Variants in FOXP2 observed in about 807,000 individuals in gnomAD.
FOXP2 encodes the protein forkhead box P2.
FOXP2 carries 12 observed loss-of-function variants against 115.8 expected under a neutral mutation model. The ratio of observed to expected loss-of-function variants is 0.10; its 90% CI spans 0.07 to 0.17. The LOEUF (loss-of-function observed/expected upper bound fraction) is 0.17, where lower values mean the gene tolerates loss of function less well. Ranked by LOEUF, FOXP2 falls within the 10% of genes least tolerant of loss-of-function variation. The pLI, the probability that FOXP2 is intolerant of heterozygous loss-of-function variation, is 1.00. For synonymous variants in FOXP2, 328 were observed against 297.7 expected (o/e 1.10, Z -1.05); for missense variants, 629 against 843.5 (o/e 0.75, Z 3.15).
rs550057133 is a variant in FOXP2 at position 114,265,303 on chromosome 7, G to A, written c.-101-22716G>A. On this transcript the variant is annotated intron_variant, in intron 1 of 17. Coordinates refer to the FOXP2 transcript ENST00000634411. Reference sequence around the variant, plus strand: ...AAAGGGAGAAATCAGCCAAAAGAAAGGGGCTACAGGTCTCAGGTGAGTTTG... The same window carrying A: ...AAAGGGAGAAATCAGCCAAAAGAAAAGGGCTACAGGTCTCAGGTGAGTTTG... Among the ~76,000 whole-genome samples the A allele has an allele frequency of 2.6e-5, 4 of 152,284 alleles. No homozygotes were observed. In the South Asian group the frequency reaches 8.3e-4, roughly 32 times the overall value.
chr7:114,396,740 C>A (rs1424252209), intron 2 of FOXP2, among the ~76,000 whole-genome samples: 2 of 151,620 alleles, frequency 1.3e-5, no homozygotes, highest in Non-Finnish European at 2.9e-5. Context: ...AGACAGCAGG[C>A]ATAAGTTTGA....
In FOXP2 at chr7:114,134,692, G is replaced by C. The variant is rs527521867; in HGVS notation, c.-246-28252G>C. ...CCCGCCACTGCACTCCAGCCTGGGCGACAGAGCGAGACTCCGTCTCAAAAA... is the reference window on the plus strand; with the variant it reads ...CCCGCCACTGCACTCCAGCCTGGGCCACAGAGCGAGACTCCGTCTCAAAAA... On this transcript the variant is annotated intron_variant, in intron 1 of 19. Transcript: ENST00000635638. 3.0e-5 allele frequency among the ~76,000 whole-genome samples: 4 copies of C among 135,058 alleles called. No individual in the cohort carries two copies. In the East Asian group the frequency reaches 8.7e-4, roughly 29 times the overall value. 88.6% of individuals were successfully genotyped at this position (135,058 alleles called of 152,430 possible). A position where few individuals can be genotyped will look rare whatever the true frequency, so the allele number is the denominator to read the frequency against.
chr7:114,169,338 A>C (rs963853403), intron 1 of FOXP2, among the ~76,000 whole-genome samples: 9 of 152,224 alleles, frequency 5.9e-5, no homozygotes, highest in Admixed American at 5.2e-4. Context: ...ATGGGAACCC[A>C]CCTCTTGCAT....
intron 1 of FOXP2, among the ~76,000 whole-genome samples, chr7:114,271,769 ATAT>A (rs1047342457): frequency 1.4e-4 from 17 of 118,372 alleles, no homozygotes; most frequent in African/African-American, 5.5e-4. Flanking sequence ...ATTATTTAAT[ATAT>A]TATTTATATA....
intron 3 of FOXP2, among the ~76,000 whole-genome samples, chr7:114,567,334 C>T (rs917104280): frequency 3.9e-5 from 6 of 151,966 alleles, no homozygotes; most frequent in South Asian, 2.1e-4. Flanking sequence ...ACTTATTATC[C>T]TCTGTCTAGA....
At chr7:114,642,814 T>TATATA (rs1563054674) in intron 7 of FOXP2, among the ~76,000 whole-genome samples, 191 bp downstream of exon 7, 4 of 107,096 alleles carry the variant, frequency 3.7e-5, no homozygotes, top group Admixed American at 1.9e-4. Flanking sequence ...ATATATATAT[T>TATATA]TTTTTTTTTT....
chr7:114,601,767 A>G (rs1803039353), intron 3 of FOXP2, among the ~76,000 whole-genome samples: 1 of 152,094 alleles, frequency 6.6e-6, no homozygotes, highest in Non-Finnish European at 1.5e-5. Context: ...TTTTATTTCA[A>G]ATATTTTAAG....
intron 1 of FOXP2, among the ~76,000 whole-genome samples, chr7:114,141,876 A>T (rs2396708): frequency 0.14 from 21,342 of 152,192 alleles, 1,983 homozygotes; most frequent in East Asian, 0.39. Flanking sequence ...TAAAATTTGC[A>T]AAGAAGGAAA....
intron 3 of FOXP2, among the ~76,000 whole-genome samples, chr7:114,593,509 CA>C (rs1323821039): frequency 5.3e-5 from 8 of 151,920 alleles, no homozygotes; most frequent in Non-Finnish European, 1.2e-4. Flanking sequence ...CTTATATGAT[CA>C]ATGATAAAAA....
chr7:114,513,072 G>A (rs561273083), intron 2 of FOXP2, among the ~76,000 whole-genome samples: 44 of 152,220 alleles, frequency 2.9e-4, no homozygotes, highest in Middle Eastern at 3.4e-3. Flanking sequence ...GACAGACCAA[G>A]ACTCCATCTC....
At chr7:114,231,382 A>G (rs879279991) in intron 1 of FOXP2, among the ~76,000 whole-genome samples, 4 of 152,202 alleles carry the variant, frequency 2.6e-5, no homozygotes, top group Admixed American at 2.6e-4. Context: ...TCTGAAATTC[A>G]TATTGAATGA....
At chr7:114,491,303 T>C (rs1797040302) in intron 2 of FOXP2, among the ~76,000 whole-genome samples, 1 of 152,260 alleles carries the variant, frequency 6.6e-6, no homozygotes, top group South Asian at 2.1e-4. Context: ...ATAAATGTCT[T>C]CTTTGGAGAA....
At chr7:114,668,838 A>T (rs1807326329) in intron 16 of FOXP2, 1 of 152,182 alleles carries the variant, frequency 6.6e-6, no homozygotes, top group South Asian at 2.1e-4. Context: ...CTGATTATGA[A>T]GAATCAAATT....
rs183316903 is a variant in FOXP2 at position 114,531,949 on chromosome 7, G to A, written c.169-2668G>A. On this transcript the variant is annotated intron_variant, in intron 2 of 16. Transcript: ENST00000350908. Reference sequence around the variant, plus strand: ...ATTGATTACATGGGTTATGTTGAATGAATATAACGCAGGTTGGTAAAATGG... The same window carrying A: ...ATTGATTACATGGGTTATGTTGAATAAATATAACGCAGGTTGGTAAAATGG... 2.0e-5 allele frequency among the ~76,000 whole-genome samples: 3 copies of A among 152,068 alleles called. No individual in the cohort carries two copies. In the East Asian group the frequency reaches 5.8e-4, roughly 29 times the overall value.
intron 1 of FOXP2, among the ~76,000 whole-genome samples, chr7:114,277,591 T>C (rs1356040163): frequency 2.0e-5 from 3 of 152,068 alleles, no homozygotes; most frequent in African/African-American, 7.2e-5. Flanking sequence ...TGAGTAAAAA[T>C]ATATATTTTA....
intron 2 of FOXP2, among the ~76,000 whole-genome samples, chr7:114,518,679 T>C (rs1798463221): frequency 6.6e-6 from 1 of 152,126 alleles, no homozygotes; most frequent in Non-Finnish European, 1.5e-5. Flanking sequence ...AATTTTTTTG[T>C]ATTTTTAGTA....
At chr7:114,199,122 T>G (rs960297504) in intron 1 of FOXP2, among the ~76,000 whole-genome samples, 1 of 152,198 alleles carries the variant, frequency 6.6e-6, no homozygotes, top group Non-Finnish European at 1.5e-5. Context: ...GCTAAGGAGA[T>G]TCTTCTGCCT....
intron 2 of FOXP2, among the ~76,000 whole-genome samples, chr7:114,402,190 T>C (rs1792902902): frequency 6.6e-6 from 1 of 151,922 alleles, no homozygotes; most frequent in Non-Finnish European, 1.5e-5. Context: ...ACAAATGAAA[T>C]AGAGATGAAG....
chr7:114,614,108 C>T (rs1803789892), intron 3 of FOXP2, among the ~76,000 whole-genome samples: 1 of 152,166 alleles, frequency 6.6e-6, no homozygotes, highest in Admixed American at 6.5e-5. Context: ...ATTCCTAGGT[C>T]AAAGAATACG....
Sources: allele counts gnomAD v4.1 joint callset (sites outside exome capture counted in the v4.1 genomes callset), GRCh38; gene constraint gnomAD v4.1.1; transcripts MANE v1.5; gene names NCBI Gene and HGNC (gene_info 2026-07-23, HGNC 2026-07-21).